The following RBKS variants were observed in gnomAD, a reference collection of about 807,000 sequenced individuals.
RBKS encodes ribokinase.
A neutral mutation model predicts 33.9 loss-of-function variants in RBKS; 33 were observed. The observed-to-expected ratio is 0.97, with a 90% CI of 0.74 to 1.30. RBKS has a LOEUF of 1.30. Ranked by LOEUF, RBKS falls within the 50% of genes most tolerant of loss-of-function variation. The probability of loss-of-function intolerance (pLI) is 0.00; values close to 1 mark genes in which losing one functional copy is unlikely to be tolerated. For missense variants in RBKS, 361 were observed against 392.6 expected (o/e 0.92, Z 0.68); for synonymous variants, 125 against 143.0 (o/e 0.87, Z 0.90).
chr2:27,866,533 G>A (rs1382706542), intron 1 of RBKS, among the ~76,000 whole-genome samples: 1 of 152,080 alleles, frequency 6.6e-6, no homozygotes, highest in Non-Finnish European at 1.5e-5. Flanking sequence ...AGACTCCAGT[G>A]ACATATATGG....
At chr2:27,868,376 C>A (rs1664139429) in intron 1 of RBKS, among the ~76,000 whole-genome samples, 1 of 151,988 alleles carries the variant, frequency 6.6e-6, no homozygotes, top group African/African-American at 2.4e-5. Flanking sequence ...AGTGAGAGTT[C>A]AAAAGGTATT....
rs750581806 is a variant in RBKS at position 27,832,709 on chromosome 2, C to T, written c.583G>A (p.Val195Met). 1 of 1,613,054 alleles carries T rather than the reference C, an allele frequency of 6.2e-7. No individual in the cohort carries two copies. The change falls in exon 6 of 8, where the codon GTG (valine) becomes ATG (methionine). Residue 195 changes from valine to methionine, a missense_variant. Transcript: ENST00000302188. ...ACCTCACTTTCATTGCAGCAGAACA[C>T]ATCTGAGAGGGTGTAGAACTGGGGA... Reference protein sequence around the residue: ...LDPQFYTLSDVFCCNESEAEI... With the variant: ...LDPQFYTLSDMFCCNESEAEI...
chr2:27,859,767 A>C (rs1468332440), intron 1 of RBKS, among the ~76,000 whole-genome samples: 1 of 152,068 alleles, frequency 6.6e-6, no homozygotes, highest in Non-Finnish European at 1.5e-5. Context: ...TGGTAAGGCC[A>C]CTGAGAACCT....
intron 1 of RBKS, among the ~76,000 whole-genome samples, chr2:27,861,046 C>G (rs1414501692): frequency 6.6e-6 from 1 of 151,966 alleles, no homozygotes; most frequent in East Asian, 1.9e-4. Flanking sequence ...CGGCTCACTG[C>G]AACCTCCACC....
At chr2:27,787,129 C>G (rs1677420210) in intron 7 of RBKS, among the ~76,000 whole-genome samples, 1 of 152,202 alleles carries the variant, frequency 6.6e-6, no homozygotes, top group Non-Finnish European at 1.5e-5. Context: ...GCTGGGACCA[C>G]AGGTGTGCAC....
intron 7 of RBKS, chr2:27,809,819 G>C: frequency 1.6e-6 from 1 of 637,742 alleles, no homozygotes; most frequent in South Asian, 1.9e-5. Context: ...AACAGCAAAG[G>C]CATTTCATAA....
intron 6 of RBKS, among the ~76,000 whole-genome samples, chr2:27,832,212 C>T (rs1331812117): frequency 2.6e-5 from 4 of 152,104 alleles, no homozygotes; most frequent in Admixed American, 6.6e-5. Flanking sequence ...TACTAATTAG[C>T]GTTTGGCAGA....
In RBKS at chr2:27,890,286, C is replaced by G. The variant is rs577283069; in HGVS notation, c.60G>C (p.Val20=). Residue 20 remains valine, a synonymous_variant, in exon 1 of 8, where the codon GTG becomes GTC. Transcript: ENST00000302188. The surrounding 1 kb of genome is among the most constrained non-coding windows in gnomAD (Gnocchi z 4.8). ...CCAGGTCGGTCATGCAGGAGCCCAC[C>G]ACTACCACCGCCGCCACCTCCTCTT... ...QWQEEVAAVV[V]VGSCMTDLVS... 21 of 1,613,890 alleles carry G rather than the reference C, an allele frequency of 1.3e-5. No homozygotes were observed. The highest frequency in any genetic ancestry group is 1.7e-5 in the Non-Finnish European group (20 of 1,180,020).
intron 5 of RBKS, among the ~76,000 whole-genome samples, chr2:27,839,366 C>G (rs1197904604): frequency 6.6e-6 from 1 of 152,150 alleles, no homozygotes; most frequent in Non-Finnish European, 1.5e-5. Context: ...AAGACCAGAA[C>G]CAACATGCAT....
At chr2:27,842,002 C>A (rs988488071) in intron 5 of RBKS, among the ~76,000 whole-genome samples, 6 of 152,146 alleles carry the variant, frequency 3.9e-5, no homozygotes, top group African/African-American at 1.4e-4. Context: ...CCATGTACTA[C>A]ACCATGCTTG....
chr2:27,888,893 G>T (rs533097571), intron 1 of RBKS, among the ~76,000 whole-genome samples: 1 of 152,306 alleles, frequency 6.6e-6, no homozygotes, highest in East Asian at 1.9e-4. Flanking sequence ...AGAAAAAGAT[G>T]TACAGGCCTC....
intron 7 of RBKS, among the ~76,000 whole-genome samples, chr2:27,799,997 T>C (rs914336754): frequency 6.6e-6 from 1 of 151,600 alleles, no homozygotes; most frequent in Non-Finnish European, 1.5e-5. Context: ...GAGATATGGG[T>C]GTCATATGTA....
rs760456601 is a variant in RBKS at position 27,858,542 on chromosome 2, T to A, written c.119A>T (p.Glu40Val). ...AAAAAACTTATGTCCATGGATGGTT[T>A]CTCCAGTTTTTGGCAAACGAGAAGT... ...SLTSRLPKTG[E>V]TIHGHKFFIG... Residue 40 changes from glutamate (E) to valine (V), a missense_variant, in exon 2 of 8, where the codon GAA (glutamate) becomes GTA (valine). Physicochemically the swap from Glu to Val is moderately radical, Grantham distance 121. Transcript: ENST00000302188. The A allele has an allele frequency of 2.7e-5, 43 of 1,613,898 alleles. No homozygotes were observed. Among genetic ancestry groups the A allele is most frequent in the Non-Finnish European group, 3.5e-5 (41 of 1,179,930 alleles).
chr2:27,878,286 CT>C (rs1664354439), intron 1 of RBKS, among the ~76,000 whole-genome samples: 1 of 151,266 alleles, frequency 6.6e-6, no homozygotes, highest in South Asian at 2.1e-4. Context: ...GTGGTGTTTG[CT>C]TTTTGTTCTT....
chr2:27,812,825 G>A (rs922189957), intron 7 of RBKS, among the ~76,000 whole-genome samples: 2 of 151,708 alleles, frequency 1.3e-5, no homozygotes, highest in African/African-American at 4.8e-5. Flanking sequence ...CCTGCACATT[G>A]TGCACATGTA....
Position 27,890,170 on chromosome 2 carries a change from C to T in RBKS, c.89+87G>A, listed in dbSNP as rs1664697213. On this transcript the variant is annotated intron_variant, in intron 1 of 7. Transcript: ENST00000302188. This position sits in a 1 kb window ranked among gnomAD's most constrained non-coding sequence, Gnocchi z 4.8. ...GCTAGCACTGTCTATCCCTGGAGAC[C>T]CAGCGCCCAAAAGCTCCACTGGGCG... The T allele has an allele frequency of 1.5e-6, 2 of 1,290,354 alleles. No individual in the cohort carries two copies. 79.9% of individuals were successfully genotyped at this position (1,290,354 alleles called of 1,614,324 possible).
intron 1 of RBKS, among the ~76,000 whole-genome samples, chr2:27,875,724 AT>A (rs1664300570): frequency 6.6e-6 from 1 of 152,190 alleles, no homozygotes. Context: ...GAATCAACAA[AT>A]TTTTGTATCT....
chr2:27,878,941 C>T (rs967243719), intron 1 of RBKS, among the ~76,000 whole-genome samples: 1 of 152,210 alleles, frequency 6.6e-6, no homozygotes, highest in Non-Finnish European at 1.5e-5. Context: ...AGAATAAAAC[C>T]TAAGCACCTC....
chr2:27,802,181 A>G (rs1677809473), intron 7 of RBKS, among the ~76,000 whole-genome samples: 1 of 150,382 alleles, frequency 6.6e-6, no homozygotes, highest in Non-Finnish European at 1.5e-5. Flanking sequence ...CTCACTCACT[A>G]TTTTGAGGAG....
Sources: gnomAD v4.1 joint callset for allele counts (sites outside exome capture counted in the v4.1 genomes callset) on GRCh38, gnomAD v4.1.1 for gene constraint, Gnocchi (gnomAD v3.1) non-coding constraint, MANE v1.5 for transcripts, NCBI Gene and HGNC (gene_info 2026-07-23, HGNC 2026-07-21) for gene names.